Variants in ANO3 observed in about 807,000 individuals in gnomAD.
The protein encoded by ANO3 is anoctamin 3, also known as anoctamin-3.
A neutral mutation model predicts 144.8 loss-of-function variants in ANO3; 99 were observed. That is an observed-to-expected ratio of 0.68 (90% CI 0.58 to 0.81). The LOEUF (loss-of-function observed/expected upper bound fraction) is 0.81, where lower values mean the gene tolerates loss of function less well. Among genes scored for constraint, ANO3 ranks in the 30% least tolerant of loss-of-function variants. ANO3 has a pLI of 0.00. For synonymous variants in ANO3, 414 were observed against 392.6 expected, an observed-to-expected ratio of 1.05 and a Z score of -0.64; for missense variants, 905 against 1,202.2, an observed-to-expected ratio of 0.75 and a Z score of 3.66.
chr11:26,660,556 A>G lies in ANO3; in HGVS notation c.*112A>G. 1 of 900,830 alleles carries G rather than the reference A, an allele frequency of 1.1e-6. No homozygotes were observed. The allele number at this position is 900,830 out of a possible 1,614,324, so 55.8% of individuals were successfully genotyped here. On this transcript the variant is annotated 3_prime_UTR_variant, in exon 27 of 27. Coordinates refer to ENST00000256737, the MANE Select transcript of ANO3 (RefSeq NM_031418.4). ...GCATACTTGGCAAACCACATGTATA[A>G]TATGCTACTTGGAAATGTATCACAG...
intron 5 of ANO3, chr11:26,508,627 T>G (rs2134137502): frequency 4.7e-6 from 1 of 213,802 alleles, no homozygotes; most frequent in South Asian, 1.9e-4. Flanking sequence ...CTATGAGTGG[T>G]TTTCTTCCCA....
At chr11:26,610,855 T>A (rs1852079549) in intron 17 of ANO3, among the ~76,000 whole-genome samples, 1 of 152,144 alleles carries the variant, frequency 6.6e-6, no homozygotes, top group African/African-American at 2.4e-5. Context: ...TTCTTCCTAA[T>A]TTAATCTTGG....
chr11:26,376,188 AAAT>A (rs1259778224), intron 1 of ANO3, among the ~76,000 whole-genome samples: 1 of 152,186 alleles, frequency 6.6e-6, no homozygotes, highest in African/African-American at 2.4e-5. Flanking sequence ...AAAAAGAGTG[AAAT>A]AATTATACAC....
At chr11:26,236,002 T>G (rs917707409) in intron 1 of ANO3, among the ~76,000 whole-genome samples, 3 of 152,152 alleles carry the variant, frequency 2.0e-5, no homozygotes, top group Non-Finnish European at 4.4e-5. Flanking sequence ...AATATGTGTA[T>G]ATTCTTATTT....
intron 14 of ANO3, among the ~76,000 whole-genome samples, chr11:26,564,504 T>C (rs1850438508): frequency 6.6e-6 from 1 of 150,650 alleles, no homozygotes; most frequent in Non-Finnish European, 1.5e-5. Flanking sequence ...TAAAACTTAG[T>C]TATTTTTTTT....
At chr11:26,480,963 A>C (rs1860191781) in intron 4 of ANO3, among the ~76,000 whole-genome samples, 1 of 152,214 alleles carries the variant, frequency 6.6e-6, no homozygotes, top group African/African-American at 2.4e-5. Context: ...TTAAATTTTC[A>C]GTACCTCTGA....
intron 14 of ANO3, among the ~76,000 whole-genome samples, chr11:26,579,198 A>C (rs1200957276): frequency 6.6e-6 from 1 of 152,238 alleles, no homozygotes; most frequent in Non-Finnish European, 1.5e-5. Flanking sequence ...AAAAGCACTT[A>C]AGGCAGGTAA....
chr11:26,199,872 C>A (rs566646224), intron 1 of ANO3, among the ~76,000 whole-genome samples: 10 of 152,236 alleles, frequency 6.6e-5, no homozygotes, highest in African/African-American at 2.4e-4. Context: ...TTGTCTCTTT[C>A]TCAATTGTAA....
At chr11:26,454,598 C>A (rs1340030230) in intron 3 of ANO3, among the ~76,000 whole-genome samples, 9 of 151,630 alleles carry the variant, frequency 5.9e-5, no homozygotes, top group Admixed American at 2.0e-4. Flanking sequence ...GCTTACCAAC[C>A]AAAAAGAGTC....
At chr11:26,608,946 C>A (rs1232039182) in intron 17 of ANO3, among the ~76,000 whole-genome samples, 2 of 152,318 alleles carry the variant, frequency 1.3e-5, no homozygotes, top group East Asian at 3.9e-4. Flanking sequence ...CAGCAGGCAC[C>A]TGCAGCTGTG....
At chr11:26,441,210 C>T (rs1015371427) in intron 1 of ANO3, among the ~76,000 whole-genome samples, 2 of 147,984 alleles carry the variant, frequency 1.4e-5, no homozygotes, top group African/African-American at 2.5e-5. Context: ...CTCCGCCTCC[C>T]GGGTTCACGC....
At chr11:26,353,161 G>A (rs1855691619) in intron 1 of ANO3, among the ~76,000 whole-genome samples, 1 of 152,152 alleles carries the variant, frequency 6.6e-6, no homozygotes, top group Non-Finnish European at 1.5e-5. Context: ...GGGAAAAGAT[G>A]ATTTCTTAGA....
chr11:26,527,740 T>C (rs142260206), intron 7 of ANO3, among the ~76,000 whole-genome samples: 1 of 152,300 alleles, frequency 6.6e-6, no homozygotes, highest in African/African-American at 2.4e-5. Context: ...AAGGATGTTG[T>C]TGGTTTTATT....
At chr11:26,637,630 A>G (rs1853004038) in intron 20 of ANO3, among the ~76,000 whole-genome samples, 13 of 152,208 alleles carry the variant, frequency 8.5e-5, no homozygotes, top group Admixed American at 8.5e-4. Flanking sequence ...AGGAAATGCT[A>G]AATTCATCCT....
chr11:26,493,899 A>C (rs992037021), intron 4 of ANO3, among the ~76,000 whole-genome samples: 1 of 152,166 alleles, frequency 6.6e-6, no homozygotes. Context: ...CCTTCTTTCA[A>C]GCCTGGAATT....
At chr11:26,518,204 A>G (rs1310151480) in intron 6 of ANO3, among the ~76,000 whole-genome samples, 1 of 152,042 alleles carries the variant, frequency 6.6e-6, no homozygotes, top group Non-Finnish European at 1.5e-5. Flanking sequence ...TGAGTTCTGG[A>G]ATTTTTCTAT....
chr11:26,385,903 T>TATATA (rs58078292), intron 1 of ANO3, among the ~76,000 whole-genome samples: 2,057 of 148,822 alleles, frequency 0.014, 32 homozygotes, highest in Non-Finnish European at 0.018. Context: ...GTATATATAT[T>TATATA]TATATACATA....
chr11:26,562,530 A>G lies in ANO3; in HGVS notation c.1447+2751A>G, dbSNP rs577133939. Among the ~76,000 whole-genome samples the G allele has an allele frequency of 9.9e-5, 15 of 152,058 alleles. No individual in the cohort carries two copies. In the East Asian group the frequency reaches 2.9e-3, roughly 29 times the overall value. ...ACAAACTGACAACTTTATTTTTAGT[A>G]TACATATTTCTCATTCATAGATATT... On this transcript the variant is annotated intron_variant, in intron 14 of 26. Transcript: ENST00000256737.
chr11:26,380,875 G>C (rs887186152), intron 1 of ANO3, among the ~76,000 whole-genome samples: 1 of 151,962 alleles, frequency 6.6e-6, no homozygotes, highest in African/African-American at 2.4e-5. Context: ...CCAGCTACTC[G>C]GGAGGCTGAG....
Sources: gnomAD v4.1 joint callset for allele counts (sites outside exome capture counted in the v4.1 genomes callset) on GRCh38, gnomAD v4.1.1 for gene constraint, MANE v1.5 for transcripts, NCBI Gene and HGNC (gene_info 2026-07-23, HGNC 2026-07-21) for gene names.